The following IMMT variants were observed in gnomAD, a reference collection of about 807,000 sequenced individuals.
IMMT encodes MICOS complex subunit MIC60.
IMMT carries 40 observed loss-of-function variants against 92.7 expected under a neutral mutation model. The ratio of observed to expected loss-of-function variants is 0.43; its 90% CI spans 0.34 to 0.56. The LOEUF (loss-of-function observed/expected upper bound fraction) is 0.56. IMMT is among the 20% of genes least tolerant of loss of function. IMMT has a pLI of 0.03. For missense variants in IMMT, 831 were observed against 912.1 expected, an observed-to-expected ratio of 0.91 and a Z score of 1.14; for synonymous variants, 322 against 336.1, an observed-to-expected ratio of 0.96 and a Z score of 0.46.
chr2:86,157,798 A>AAAG (rs1331636751), intron 10 of IMMT, among the ~76,000 whole-genome samples: 1 of 130,252 alleles, frequency 7.7e-6, no homozygotes, highest in African/African-American at 2.6e-5. Context: ...CAAAAAAAAA[A>AAAG]AAAAAGAAAA....
intron 2 of IMMT, among the ~76,000 whole-genome samples, chr2:86,181,037 T>C (rs1469447971): frequency 1.3e-5 from 2 of 152,172 alleles, no homozygotes; most frequent in African/African-American, 2.4e-5. Flanking sequence ...CTATTTGCCA[T>C]AGAATGGAAG....
chr2:86,181,413 A>C (rs1279885076), intron 1 of IMMT, 41 bp from the exon 2 acceptor site: 2 of 1,408,298 alleles, frequency 1.4e-6, no homozygotes, highest in Non-Finnish European at 2.0e-6. Flanking sequence ...CAGTTAAAGG[A>C]AACTGGTAAG....
Position 86,173,424 on chromosome 2 carries a change from T to C in IMMT, c.421+226A>G, listed in dbSNP as rs1039972783. ...GGAGAAACTCCGCCTCTACTAAAAA[T>C]AGAAAATTAGCTGGGCGTGCTGGCA... On this transcript the variant is annotated intron_variant, in intron 4 of 14. Transcript: ENST00000410111. The C allele has an allele frequency of 6.2e-5, 25 of 401,062 alleles. No homozygotes were observed. In the East Asian group the frequency reaches 9.2e-4, roughly 15 times the overall value. The allele number at this position is 401,062 out of a possible 1,614,324, so 24.8% of individuals were successfully genotyped here. A position where few individuals can be genotyped will look rare whatever the true frequency, so the allele number is the denominator to read the frequency against.
At chr2:86,184,093 CTGTAT>C (rs1284674456) in intron 1 of IMMT, among the ~76,000 whole-genome samples, 9 of 152,062 alleles carry the variant, frequency 5.9e-5, no homozygotes, top group Admixed American at 5.2e-4. Context: ...CTCCAACACA[CTGTAT>C]TGTATCATTT....
In IMMT at chr2:86,159,412, C is replaced by T. The variant is rs577019438; in HGVS notation, c.1032+124G>A. On this transcript the variant is annotated intron_variant, in intron 9 of 14. Coordinates refer to ENST00000410111, the MANE Select transcript of IMMT (RefSeq NM_006839.3). ...GGCAAATTTTTTAAAACAGTAACAA[C>T]GAATACACTTTGCAGGAGAAAAGAC... The T allele has an allele frequency of 4.5e-5, 39 of 873,958 alleles. No homozygotes were observed. In the African/African-American group the frequency reaches 4.8e-4, roughly 11 times the overall value. The allele number at this position is 873,958 out of a possible 1,614,324, so 54.1% of individuals were successfully genotyped here. A position where few individuals can be genotyped will look rare whatever the true frequency, so the allele number is the denominator to read the frequency against.
At chr2:86,166,410 C>G (rs909174538) in intron 7 of IMMT, 98 bp downstream of exon 7, 1 of 1,008,294 alleles carries the variant, frequency 9.9e-7, no homozygotes, top group Non-Finnish European at 1.4e-6. Flanking sequence ...CGGAAGAAAG[C>G]AGTCTGTTAA....
chr2:86,175,345 C>T (rs1446643226), intron 3 of IMMT, among the ~76,000 whole-genome samples: 1 of 151,888 alleles, frequency 6.6e-6, no homozygotes, highest in Non-Finnish European at 1.5e-5. Flanking sequence ...ATAAAAACAT[C>T]ATTTCTCTCT....
intron 1 of IMMT, among the ~76,000 whole-genome samples, chr2:86,189,990 T>C (rs1370667935): frequency 6.6e-6 from 1 of 152,196 alleles, no homozygotes; most frequent in Non-Finnish European, 1.5e-5. Context: ...CAGATACTTA[T>C]CAGTATGACA....
At chr2:86,169,967 G>T (rs12714171) in intron 6 of IMMT, among the ~76,000 whole-genome samples, 69,875 of 152,034 alleles carry the variant, frequency 0.46, 16,605 homozygotes, top group Non-Finnish European at 0.51. Context: ...GCGATGTGTA[G>T]AACATTCCAT....
In IMMT at chr2:86,144,789, C is replaced by G. The variant is rs1674867492; in HGVS notation, c.1756G>C (p.Glu586Gln). ...CTACCCAGCGGGATAGTAGGTGTTT[C>G]TGCAGATGAGGTCTTCATGCTGTAC... is the stretch of plus-strand genomic sequence containing the variant. ...LKYSMKTSSA[E>Q]TPTIPLGSAV... is the part of the protein sequence containing the mutation. The change falls in exon 15 of 15, where the codon GAA (glutamate) becomes CAA (glutamine). Residue 586 changes from glutamate (E) to glutamine (Q), a missense_variant. Physicochemically the swap from Glu to Gln is conservative, Grantham distance 29. Transcript: ENST00000410111. The G allele has an allele frequency of 6.2e-7, 1 of 1,613,124 alleles. No homozygotes were observed.
chr2:86,166,543 AGTGTG>A lies in IMMT; in HGVS notation c.752_756del (p.Ala251ValfsTer12), dbSNP rs2105089739. On this transcript the variant is annotated frameshift_variant, in exon 7 of 15. Transcript: ENST00000410111. LOFTEE classifies it high-confidence loss of function. ...TCCATGGCGGCTTTCAATATGTTGG[AGTGTG>A]CATTGACAGCCTGGACCGCAGCATT... The A allele has an allele frequency of 1.2e-6, 2 of 1,612,884 alleles. No homozygotes were observed. The highest frequency in any genetic ancestry group is 4.5e-5 in the East Asian group (2 of 44,860).
intron 6 of IMMT, among the ~76,000 whole-genome samples, chr2:86,168,051 A>C (rs1159889293): frequency 6.6e-6 from 1 of 152,176 alleles, no homozygotes; most frequent in African/African-American, 2.4e-5. Context: ...GACAAGATAC[A>C]AGAAAACAGA....
At chr2:86,159,703 ACTT>A (rs1298355242) in intron 8 of IMMT, 32 bp from the exon 9 acceptor site, 1 of 1,507,618 alleles carries the variant, frequency 6.6e-7, no homozygotes, top group Non-Finnish European at 8.8e-7. Context: ...ATTTAATATA[ACTT>A]CTTGTCAACT....
At chr2:86,175,824 C>A (rs1488673599) in intron 3 of IMMT, among the ~76,000 whole-genome samples, 5 of 151,430 alleles carry the variant, frequency 3.3e-5, no homozygotes, top group African/African-American at 1.2e-4. Flanking sequence ...CTGAAGAGAA[C>A]ATTAATAAGC....
chr2:86,191,913 TC>T (rs1673150491), intron 1 of IMMT, among the ~76,000 whole-genome samples: 2 of 148,848 alleles, frequency 1.3e-5, no homozygotes, highest in Non-Finnish European at 3.0e-5. Context: ...AGACTCCATC[TC>T]AAAAAAAATT....
chr2:86,166,310 G>A (rs1676671313), intron 7 of IMMT, among the ~76,000 whole-genome samples, 198 bp downstream of exon 7: 2 of 152,186 alleles, frequency 1.3e-5, no homozygotes, highest in African/African-American at 4.8e-5. Context: ...CAGCCCGGGC[G>A]ACAGAGCAAG....
In IMMT at chr2:86,146,220, C is replaced by T. The variant is rs772454563; in HGVS notation, c.1534-23G>A. 3 of 1,587,544 alleles carry T rather than the reference C, an allele frequency of 1.9e-6. No individual in the cohort carries two copies. In the South Asian group the frequency reaches 3.4e-5, roughly 18 times the overall value. On this transcript the variant is annotated intron_variant, in intron 13 of 14. Coordinates refer to ENST00000410111, the MANE Select transcript of IMMT (RefSeq NM_006839.3). ...GTTCTGAAATAAAACAGAAATAGTT[C>T]CAGAAAAAAGTGATACTCAATGCAT...
chr2:86,166,749 T>A (rs1676706490), intron 6 of IMMT, 105 bp from the exon 7 acceptor site: 2 of 1,119,592 alleles, frequency 1.8e-6, no homozygotes, highest in African/African-American at 3.2e-5. Flanking sequence ...TCCCAAAAAA[T>A]TTAAAAAGGA....
At chr2:86,190,998 T>C (rs927037327) in intron 1 of IMMT, among the ~76,000 whole-genome samples, 1 of 151,748 alleles carries the variant, frequency 6.6e-6, no homozygotes, top group Non-Finnish European at 1.5e-5. Context: ...TCTGTGATGG[T>C]TCATTTTATG....
Sources: gnomAD v4.1 joint callset for allele counts (sites outside exome capture counted in the v4.1 genomes callset) on GRCh38, gnomAD v4.1.1 for gene constraint, MANE v1.5 for transcripts, NCBI Gene and HGNC (gene_info 2026-07-23, HGNC 2026-07-21) for gene names.